CAST: variants seen among roughly 807,000 people sequenced by gnomAD.
CAST encodes the protein MIR583 host.
CAST carries 76 observed loss-of-function variants against 119.6 expected under a neutral mutation model. That is an observed-to-expected ratio of 0.64 (90% CI 0.53 to 0.77). The LOEUF is 0.77. Ranked by LOEUF, CAST falls within the 30% of genes least tolerant of loss-of-function variation. The pLI is 0.00. For synonymous variants in CAST, 319 were observed against 331.6 expected (o/e 0.96, Z 0.41); for missense variants, 953 against 946.5 (o/e 1.01, Z -0.09).
chr5:96,166,970 G>A, the CAST span, among the ~76,000 whole-genome samples: 1 of 152,262 alleles, frequency 6.6e-6, no homozygotes, highest in African/African-American at 2.4e-5. Flanking sequence ...TAGAGTGGGA[G>A]AGATTAAGCT....
At chr5:96,535,782 C>T (rs1745800418) in intron 1 of CAST, among the ~76,000 whole-genome samples, 2 of 150,906 alleles carry the variant, frequency 1.3e-5, no homozygotes, top group African/African-American at 4.8e-5. Context: ...ACCGTGTTAG[C>T]CAGGTTGGTC....
chr5:96,351,561 G>C, the CAST span, among the ~76,000 whole-genome samples: 2 of 152,064 alleles, frequency 1.3e-5, no homozygotes, highest in African/African-American at 4.8e-5. Flanking sequence ...AGAGATGTAG[G>C]GTTGTTTGTT....
chr5:96,412,355 C>T, the CAST span: 3 of 1,614,150 alleles, frequency 1.9e-6, no homozygotes, highest in Non-Finnish European at 1.7e-6. Flanking sequence ...CTGGGCTAGC[C>T]GGCCAGGCCC....
At chr5:96,379,827 G>A in the CAST span, among the ~76,000 whole-genome samples, 2 of 152,120 alleles carry the variant, frequency 1.3e-5, no homozygotes, top group African/African-American at 4.8e-5. Flanking sequence ...AAGATCAGAG[G>A]TGTAGCCACA....
chr5:96,622,093 C>T (rs1747621098), intron 1 of CAST, among the ~76,000 whole-genome samples: 2 of 151,416 alleles, frequency 1.3e-5, no homozygotes, highest in Non-Finnish European at 2.9e-5. Context: ...CCTCAGCCTC[C>T]TGAGTAGCTG....
At chr5:95,991,681 T>A in the CAST span, among the ~76,000 whole-genome samples, 1 of 151,956 alleles carries the variant, frequency 6.6e-6, no homozygotes, top group South Asian at 2.1e-4. Flanking sequence ...AATTTTTGTA[T>A]TTTTAGTGGA....
the CAST span, among the ~76,000 whole-genome samples, chr5:96,364,660 G>T: frequency 1.3e-5 from 2 of 152,072 alleles, no homozygotes; most frequent in Non-Finnish European, 2.9e-5. Context: ...CTGTGGGATT[G>T]GTGGTGATAT....
At chr5:96,416,093 C>T in the CAST span, 1 of 1,612,630 alleles carries the variant, frequency 6.2e-7, no homozygotes, top group East Asian at 2.2e-5. Flanking sequence ...GCTTGCATGG[C>T]AATTTCTCCT....
At chr5:96,377,626 A>G in the CAST span, among the ~76,000 whole-genome samples, 1 of 152,130 alleles carries the variant, frequency 6.6e-6, no homozygotes, top group East Asian at 1.9e-4. Flanking sequence ...GCTTATGTCA[A>G]TATACTTCAT....
the CAST span, among the ~76,000 whole-genome samples, chr5:96,453,971 G>T: frequency 6.6e-6 from 1 of 152,158 alleles, no homozygotes; most frequent in South Asian, 2.1e-4. Context: ...AGCTGGCCTT[G>T]GTTGGTTCTA....
At chr5:96,415,848 C>T in the CAST span, among the ~76,000 whole-genome samples, 2 of 152,092 alleles carry the variant, frequency 1.3e-5, no homozygotes, top group African/African-American at 2.4e-5. Flanking sequence ...TTCAACTATC[C>T]ATTTTCTAGG....
At chr5:96,704,832 T>A (rs1337501866) in intron 3 of CAST, among the ~76,000 whole-genome samples, 1 of 152,210 alleles carries the variant, frequency 6.6e-6, no homozygotes, top group Non-Finnish European at 1.5e-5. Context: ...ATTTTTTCTC[T>A]ATGGACGCTC....
Position 96,719,196 on chromosome 5 carries a change from C to G in CAST, c.211-3443C>G, listed in dbSNP as rs192856328. 2.0e-3 allele frequency among the ~76,000 whole-genome samples: 302 copies of G among 152,330 alleles called. 1 individual carries two copies. Among genetic ancestry groups the G allele is most frequent in the Middle Eastern group, 0.014 (4 of 294 alleles). ...GCCCTTACCTTCCCATCCTGGCTCA[C>G]TTGCCAGGACCTGCTGGGGAGCTCA... is the stretch of plus-strand genomic sequence containing the variant. On this transcript the variant is annotated intron_variant, in intron 3 of 31. Transcript: ENST00000675179.
chr5:96,286,021 T>C, the CAST span, among the ~76,000 whole-genome samples: 67,771 of 152,080 alleles, frequency 0.45, 15,826 homozygotes, highest in Admixed American at 0.56. Context: ...GCTGAAAAGC[T>C]AGTTGCAGGT....
intron 19 of CAST, among the ~76,000 whole-genome samples, chr5:96,748,887 C>T (rs2150566612): frequency 6.6e-6 from 1 of 152,316 alleles, no homozygotes; most frequent in Admixed American, 6.5e-5. Flanking sequence ...CTGATTGGAA[C>T]TGTCACCACC....
chr5:96,581,590 C>T (rs1046806059), intron 1 of CAST, among the ~76,000 whole-genome samples: 8 of 151,960 alleles, frequency 5.3e-5, no homozygotes, highest in African/African-American at 1.7e-4. Flanking sequence ...TACTGCAAAG[C>T]CTTAAAAACA....
the CAST span, among the ~76,000 whole-genome samples, chr5:96,300,733 G>T: frequency 5.9e-4 from 89 of 151,604 alleles, 1 homozygote; most frequent in African/African-American, 2.0e-3. Context: ...ATGAACGTGG[G>T]ATATCTTTCT....
chr5:96,687,340 A>G (rs1393893668), intron 2 of CAST, among the ~76,000 whole-genome samples: 2 of 152,242 alleles, frequency 1.3e-5, no homozygotes, highest in Non-Finnish European at 2.9e-5. Context: ...GAGGAGCCTG[A>G]TTAGAATTTA....
chr5:96,632,542 AT>A (rs1747834397), intron 1 of CAST, among the ~76,000 whole-genome samples: 1 of 152,144 alleles, frequency 6.6e-6, no homozygotes, highest in Admixed American at 6.5e-5. Context: ...AAAGATTTCC[AT>A]TTATATTTCT....
Sources: gnomAD v4.1 joint callset for allele counts (sites outside exome capture counted in the v4.1 genomes callset) on GRCh38, gnomAD v4.1.1 for gene constraint, MANE v1.5 for transcripts, NCBI Gene and HGNC (gene_info 2026-07-23, HGNC 2026-07-21) for gene names.